Variants in EDIL3 observed in about 807,000 individuals in gnomAD.
EDIL3 encodes the protein EGF-like repeat and discoidin I-like domain-containing protein 3.
Under a neutral mutation model 67.4 loss-of-function variants are expected in EDIL3, and 37 were observed. The ratio of observed to expected loss-of-function variants is 0.55; its 90% CI spans 0.42 to 0.72. EDIL3 has a LOEUF of 0.72. Ranked by LOEUF, EDIL3 falls within the 30% of genes least tolerant of loss-of-function variation. The pLI, the probability that EDIL3 is intolerant of heterozygous loss-of-function variation, is 0.00. For synonymous variants in EDIL3, 195 were observed against 196.3 expected, an observed-to-expected ratio of 0.99 and a Z score of 0.05; for missense variants, 527 against 586.3, an observed-to-expected ratio of 0.90 and a Z score of 1.04.
At chr5:84,124,456 C>G (rs759753941) in intron 5 of EDIL3, among the ~76,000 whole-genome samples, 1 of 149,916 alleles carries the variant, frequency 6.7e-6, no homozygotes, top group African/African-American at 2.4e-5. Flanking sequence ...TTTAATGGAC[C>G]TTTTGTTCAA....
chr5:84,156,045 G>T (rs180934031), intron 4 of EDIL3, among the ~76,000 whole-genome samples: 4 of 152,268 alleles, frequency 2.6e-5, no homozygotes, highest in East Asian at 1.9e-4. Context: ...ATCCTCTAGA[G>T]GGGGAGCATA....
At chr5:84,074,389 AC>A (rs1177077137) in intron 6 of EDIL3, among the ~76,000 whole-genome samples, 1 of 152,236 alleles carries the variant, frequency 6.6e-6, no homozygotes, top group Admixed American at 6.5e-5. Flanking sequence ...AGCAAAAGAA[AC>A]TACCATCAGA....
chr5:84,078,154 C>T (rs1158439144), intron 6 of EDIL3, among the ~76,000 whole-genome samples: 2 of 151,958 alleles, frequency 1.3e-5, no homozygotes, highest in Non-Finnish European at 2.9e-5. Flanking sequence ...GGTATTTTTC[C>T]CTGAAAAACT....
Position 84,188,190 on chromosome 5 carries a change from A to G in EDIL3, c.227-7669T>C, listed in dbSNP as rs114769266. Among the ~76,000 whole-genome samples, 306 of 152,166 alleles carry G rather than the reference A, an allele frequency of 2.0e-3. 1 individual carries two copies. The highest frequency in any genetic ancestry group is 7.2e-3 in the African/African-American group (298 of 41,550). On this transcript the variant is annotated intron_variant, in intron 3 of 10. Coordinates refer to ENST00000296591, the MANE Select transcript of EDIL3 (RefSeq NM_005711.5). ...CTGAGATGACCAGTGGAGATGCTTT[A>G]GAGGTCTTTGTCCTTGTTTACATTC... is the stretch of plus-strand genomic sequence containing the variant.
chr5:84,353,019 C>G (rs1448597068), intron 1 of EDIL3, among the ~76,000 whole-genome samples: 1 of 152,054 alleles, frequency 6.6e-6, no homozygotes, highest in Non-Finnish European at 1.5e-5. Context: ...TTAGAGGCAA[C>G]AGTCAGGGAT....
At chr5:84,034,050 A>T (rs1359416749) in intron 9 of EDIL3, among the ~76,000 whole-genome samples, 2 of 152,204 alleles carry the variant, frequency 1.3e-5, no homozygotes, top group African/African-American at 4.8e-5. Flanking sequence ...ATCTGTGTGT[A>T]GCTACTGCAT....
intron 5 of EDIL3, among the ~76,000 whole-genome samples, chr5:84,119,236 T>TTC (rs3046829): frequency 2.1e-5 from 3 of 140,140 alleles, no homozygotes; most frequent in East Asian, 2.2e-4. Context: ...TTTTTTTTTT[T>TTC]CACAGAAATG....
chr5:84,260,086 C>T (rs1745199881), intron 1 of EDIL3, among the ~76,000 whole-genome samples: 3 of 152,138 alleles, frequency 2.0e-5, no homozygotes, highest in African/African-American at 7.2e-5. Context: ...TAGTGTTTGT[C>T]TCCAGTACAC....
intron 10 of EDIL3, among the ~76,000 whole-genome samples, chr5:83,953,425 G>A (rs1744453794): frequency 6.6e-6 from 1 of 151,656 alleles, no homozygotes; most frequent in African/African-American, 2.4e-5. Context: ...GATCTCAGAA[G>A]AGAAAAGTAA....
At chr5:84,129,377 T>C (rs1747920545) in intron 5 of EDIL3, among the ~76,000 whole-genome samples, 1 of 152,044 alleles carries the variant, frequency 6.6e-6, no homozygotes, top group Admixed American at 6.6e-5. Context: ...CAAGTATATA[T>C]GGTTACAGTT....
At chr5:84,164,278 C>T (rs1229282410) in intron 4 of EDIL3, among the ~76,000 whole-genome samples, 1 of 151,980 alleles carries the variant, frequency 6.6e-6, no homozygotes, top group Non-Finnish European at 1.5e-5. Context: ...TTAAGTTTGT[C>T]TATGTAGATA....
intron 3 of EDIL3, among the ~76,000 whole-genome samples, chr5:84,218,356 G>A (rs1744274205): frequency 6.6e-6 from 1 of 152,164 alleles, no homozygotes; most frequent in Admixed American, 6.5e-5. Context: ...AAGGATTATA[G>A]TCAGCAGTTC....
intron 3 of EDIL3, among the ~76,000 whole-genome samples, chr5:84,217,765 T>C (rs2053676): frequency 0.18 from 19,067 of 104,156 alleles, 1,444 homozygotes; most frequent in Middle Eastern, 0.26. Flanking sequence ...CACACACACA[T>C]CCTTCTGGTT....
At chr5:84,327,115 T>G (rs990127648) in intron 1 of EDIL3, among the ~76,000 whole-genome samples, 27 of 151,972 alleles carry the variant, frequency 1.8e-4, no homozygotes, top group African/African-American at 6.5e-4. Context: ...ACCATTATTT[T>G]GTAGTGAGAA....
intron 3 of EDIL3, among the ~76,000 whole-genome samples, chr5:84,186,402 T>C (rs1743451169): frequency 1.3e-5 from 2 of 152,032 alleles, no homozygotes; most frequent in African/African-American, 4.8e-5. Flanking sequence ...TGCTAGTAAT[T>C]TGGGATAAGC....
chr5:84,058,493 T>C (rs943097229), intron 9 of EDIL3, among the ~76,000 whole-genome samples: 2 of 152,138 alleles, frequency 1.3e-5, no homozygotes, highest in Non-Finnish European at 2.9e-5. Context: ...GTGATAGAAG[T>C]AGCAGTGGGG....
chr5:83,993,584 T>C (rs901009218), intron 9 of EDIL3, among the ~76,000 whole-genome samples: 1 of 152,166 alleles, frequency 6.6e-6, no homozygotes, highest in African/African-American at 2.4e-5. Context: ...TGACAGCCTT[T>C]AATCACATCA....
chr5:84,145,714 C>T (rs1268051638), intron 4 of EDIL3, among the ~76,000 whole-genome samples: 1 of 151,884 alleles, frequency 6.6e-6, no homozygotes, highest in Non-Finnish European at 1.5e-5. Flanking sequence ...TATAGACTTC[C>T]TAATATTTAC....
chr5:84,006,431 A>G (rs1329431845), intron 9 of EDIL3, among the ~76,000 whole-genome samples: 1 of 152,144 alleles, frequency 6.6e-6, no homozygotes, highest in Non-Finnish European at 1.5e-5. Flanking sequence ...TTGGGGCTGG[A>G]GGCCATTATG....
Sources: gnomAD v4.1 joint callset for allele counts (sites outside exome capture counted in the v4.1 genomes callset) on GRCh38, gnomAD v4.1.1 for gene constraint, MANE v1.5 for transcripts, NCBI Gene and HGNC (gene_info 2026-07-23, HGNC 2026-07-21) for gene names.